HDAC4: variants seen among roughly 807,000 people sequenced by gnomAD.
The protein encoded by HDAC4 is histone deacetylase 4, also known as histone deacetylase A.
Under a neutral mutation model 135.1 loss-of-function variants are expected in HDAC4, and 16 were observed. The ratio of observed to expected loss-of-function variants is 0.12; its 90% CI spans 0.08 to 0.18. The LOEUF is 0.18. HDAC4 is among the 10% of genes least tolerant of loss of function. The probability of loss-of-function intolerance (pLI) is 1.00; values close to 1 mark genes in which losing one functional copy is unlikely to be tolerated. For synonymous variants in HDAC4, 685 were observed against 653.4 expected (o/e 1.05, Z -0.74); for missense variants, 1,143 against 1,511.8 (o/e 0.76, Z 4.05).
intron 5 of HDAC4, among the ~76,000 whole-genome samples, chr2:239,172,961 G>A (rs1036746632): frequency 4.6e-5 from 7 of 151,876 alleles, no homozygotes; most frequent in African/African-American, 1.2e-4. Context: ...AAAGTGAGCC[G>A]GGGGGGAAAA....
chr2:239,170,282 C>A (rs573884082), intron 5 of HDAC4, among the ~76,000 whole-genome samples: 2 of 152,186 alleles, frequency 1.3e-5, no homozygotes, highest in South Asian at 2.1e-4. Context: ...GATTATATCC[C>A]AATTCTAATT....
At chr2:239,261,035 C>T (rs977237642) in intron 2 of HDAC4, among the ~76,000 whole-genome samples, 88 of 152,294 alleles carry the variant, frequency 5.8e-4, no homozygotes, top group African/African-American at 1.8e-3. Flanking sequence ...CACCTAAACT[C>T]GATGCGGCAC....
At chr2:239,189,466 A>G (rs1424323270) in intron 4 of HDAC4, among the ~76,000 whole-genome samples, 1 of 152,252 alleles carries the variant, frequency 6.6e-6, no homozygotes, top group Non-Finnish European at 1.5e-5. Context: ...AAAAGAAAAC[A>G]CAGATTTGTC....
chr2:239,333,275 G>C (rs1691708658), intron 2 of HDAC4, among the ~76,000 whole-genome samples: 1 of 151,818 alleles, frequency 6.6e-6, no homozygotes, highest in Admixed American at 6.6e-5. Context: ...GTAAAAAAAA[G>C]AAGAAAGAAA....
At chr2:239,074,193 C>T (rs2034505448) in intron 22 of HDAC4, among the ~76,000 whole-genome samples, 1 of 152,240 alleles carries the variant, frequency 6.6e-6, no homozygotes, top group African/African-American at 2.4e-5. Flanking sequence ...GTCATAAAAC[C>T]TTTTTCTTTG....
At chr2:239,243,092 CT>C (rs1156678206) in intron 2 of HDAC4, among the ~76,000 whole-genome samples, 1 of 152,074 alleles carries the variant, frequency 6.6e-6, no homozygotes, top group Non-Finnish European at 1.5e-5. Flanking sequence ...CACATTTCAC[CT>C]TAGCACCTCA....
chr2:239,102,328 C>T (rs1479219345), intron 16 of HDAC4, among the ~76,000 whole-genome samples: 2 of 152,208 alleles, frequency 1.3e-5, no homozygotes, highest in Non-Finnish European at 1.5e-5. Flanking sequence ...AATTCCCCTC[C>T]ACCACCTGTG....
chr2:239,165,414 G>A (rs2043063015), intron 5 of HDAC4, among the ~76,000 whole-genome samples: 1 of 152,158 alleles, frequency 6.6e-6, no homozygotes, highest in Non-Finnish European at 1.5e-5. Context: ...TCTCTTGCAA[G>A]ATAATTCATG....
At chr2:239,259,081 C>G (rs1000762521) in intron 2 of HDAC4, among the ~76,000 whole-genome samples, 2 of 152,184 alleles carry the variant, frequency 1.3e-5, no homozygotes, top group African/African-American at 2.4e-5. Context: ...ACTTTGACAG[C>G]GTATCACCCC....
chr2:239,088,498 C>T (rs1034806749), intron 18 of HDAC4, among the ~76,000 whole-genome samples: 4 of 152,236 alleles, frequency 2.6e-5, no homozygotes, highest in African/African-American at 9.6e-5. Flanking sequence ...TCGGTCCCGA[C>T]CCCTGCTGAG....
chr2:239,241,961 T>C (rs2048197030), intron 2 of HDAC4, among the ~76,000 whole-genome samples: 1 of 152,122 alleles, frequency 6.6e-6, no homozygotes, highest in South Asian at 2.1e-4. Flanking sequence ...CAAAAAACCC[T>C]ACTTTTTTCT....
In HDAC4 at chr2:239,303,567, G is replaced by A. The variant is rs375301248; in HGVS notation, c.22+49111C>T. Among the ~76,000 whole-genome samples the A allele has an allele frequency of 6.6e-6, 1 of 151,830 alleles. No individual in the cohort carries two copies. Among genetic ancestry groups the A allele is most frequent in the Non-Finnish European group, 1.5e-5 (1 of 67,970 alleles). ...TTAAGAATCCTCTCATCAATGTTACGTTGTCAGCTTTCTCTGTTTTCTTTC... is the reference window on the plus strand; with the variant it reads ...TTAAGAATCCTCTCATCAATGTTACATTGTCAGCTTTCTCTGTTTTCTTTC... On this transcript the variant is annotated intron_variant, in intron 2 of 26. Transcript: ENST00000543185. The surrounding 1 kb of genome is among the most constrained non-coding windows in gnomAD (Gnocchi z 5.1).
At chr2:239,316,345 ATCCCAGCACTC>A (rs1451683264) in intron 2 of HDAC4, among the ~76,000 whole-genome samples, 7 of 152,134 alleles carry the variant, frequency 4.6e-5, no homozygotes, top group African/African-American at 1.7e-4. Flanking sequence ...TCACCTGTAA[ATCCCAGCACTC>A]TGGGGGGCCA....
intron 2 of HDAC4, among the ~76,000 whole-genome samples, chr2:239,256,140 C>T (rs2049040619): frequency 1.3e-5 from 2 of 152,334 alleles, no homozygotes; most frequent in Middle Eastern, 3.4e-3. Context: ...GTTCCAGCTG[C>T]GTTTCAGAGT....
chr2:239,247,435 T>A (rs2048530959), intron 2 of HDAC4, among the ~76,000 whole-genome samples: 1 of 152,164 alleles, frequency 6.6e-6, no homozygotes, highest in South Asian at 2.1e-4. Context: ...CGAACACAGA[T>A]AAAGAACGAG....
chr2:239,311,408 C>T (rs975583029), intron 2 of HDAC4, among the ~76,000 whole-genome samples: 1 of 152,206 alleles, frequency 6.6e-6, no homozygotes, highest in East Asian at 1.9e-4. Flanking sequence ...ATGAAGTGTC[C>T]TCAGCCGGCG....
chr2:239,114,342 C>T (rs916921749), intron 13 of HDAC4, among the ~76,000 whole-genome samples: 5 of 152,166 alleles, frequency 3.3e-5, no homozygotes, highest in African/African-American at 1.2e-4. Flanking sequence ...AGAATCAAAT[C>T]CTACAGAGCT....
At position 239,313,698 on chromosome 2, in the gene HDAC4, G is replaced by A. The variant is rs2052992337; in HGVS notation, c.22+38980C>T. On this transcript the variant is annotated intron_variant, in intron 2 of 26. Transcript: ENST00000543185. The surrounding 1 kb of genome is among the most constrained non-coding windows in gnomAD (Gnocchi z 5.1). ...AAGCCAACGTACAGCACTGGTGACA[G>A]AAAGGAAGATTCAGAAAAGCCTTCA... Among the ~76,000 whole-genome samples the A allele has an allele frequency of 6.6e-6, 1 of 152,238 alleles. No individual in the cohort carries two copies. Among genetic ancestry groups the A allele is most frequent in the South Asian group, 2.1e-4 (1 of 4,832 alleles).
At chr2:239,329,696 T>C (rs1691428893) in intron 2 of HDAC4, among the ~76,000 whole-genome samples, 1 of 152,200 alleles carries the variant, frequency 6.6e-6, no homozygotes, top group Admixed American at 6.5e-5. Flanking sequence ...CTGACTAAAC[T>C]AAACCTTGCC....
Sources: gnomAD v4.1 joint callset for allele counts (sites outside exome capture counted in the v4.1 genomes callset) on GRCh38, gnomAD v4.1.1 for gene constraint, Gnocchi (gnomAD v3.1) non-coding constraint, MANE v1.5 for transcripts, NCBI Gene and HGNC (gene_info 2026-07-23, HGNC 2026-07-21) for gene names.